TERB1: variants seen among roughly 807,000 people sequenced by gnomAD.
The protein encoded by TERB1 is telomere repeat binding bouquet formation protein 1.
Under a neutral mutation model 92.3 loss-of-function variants are expected in TERB1, and 63 were observed. That is an observed-to-expected ratio of 0.68 (90% CI 0.56 to 0.84). The LOEUF (loss-of-function observed/expected upper bound fraction) is 0.84, where lower values mean the gene tolerates loss of function less well. Ranked by LOEUF, TERB1 falls within the 40% of genes least tolerant of loss-of-function variation. The pLI, the probability that TERB1 is intolerant of heterozygous loss-of-function variation, is 0.00. For missense variants in TERB1, 709 were observed against 843.7 expected, an observed-to-expected ratio of 0.84 and a Z score of 1.98; for synonymous variants, 252 against 283.9, an observed-to-expected ratio of 0.89 and a Z score of 1.13.
chr16:66,758,330 G>A (rs1372958471), intron 18 of TERB1: 1 of 158,532 alleles, frequency 6.3e-6, no homozygotes, highest in Non-Finnish European at 1.4e-5. Context: ...TTTATTAGAA[G>A]GTCTGACCCT....
intron 3 of TERB1, among the ~76,000 whole-genome samples, chr16:66,793,808 C>T (rs1054951384): frequency 2.0e-5 from 3 of 151,832 alleles, no homozygotes; most frequent in Non-Finnish European, 4.4e-5. Flanking sequence ...CCACCACGCC[C>T]GGCCATAGTC....
chr16:66,756,523 T>C (rs370702252), intron 18 of TERB1, among the ~76,000 whole-genome samples: 8 of 152,194 alleles, frequency 5.3e-5, no homozygotes, highest in African/African-American at 1.4e-4. Flanking sequence ...GGTAAAACTA[T>C]CTCAAAGCTT....
Position 66,768,170 on chromosome 16 carries a change from T to C in TERB1, c.1620-2A>G. ...ACTGGGTGTTTAAAAACATGGTCACTAAAAGAAAATAGACACCAGATTACT... is the reference window on the plus strand; with the variant it reads ...ACTGGGTGTTTAAAAACATGGTCACCAAAAGAAAATAGACACCAGATTACT... On this transcript the variant is annotated splice_acceptor_variant, in intron 14 of 18. Coordinates refer to ENST00000433154, the MANE Select transcript of TERB1 (RefSeq NM_001136505.2). LOFTEE classifies it high-confidence loss of function. 1.3e-6 allele frequency: 2 copies of C among 1,542,122 alleles called. No individual in the cohort carries two copies. Among genetic ancestry groups the C allele is most frequent in the Non-Finnish European group, 1.8e-6 (2 of 1,138,520 alleles).
intron 3 of TERB1, among the ~76,000 whole-genome samples, chr16:66,796,557 T>C (rs2018932275): frequency 6.6e-6 from 1 of 152,244 alleles, no homozygotes; most frequent in African/African-American, 2.4e-5. Context: ...TTAAATCAAC[T>C]ATCACATGAT....
In TERB1 at chr16:66,770,139, C is replaced by T. The variant is rs1027368262; in HGVS notation, c.1443G>A (p.Met481Ile). The T allele has an allele frequency of 1.3e-6, 2 of 1,552,180 alleles. No individual in the cohort carries two copies. Among genetic ancestry groups the T allele is most frequent in the African/African-American group, 2.7e-5 (2 of 73,048 alleles). Residue 481 changes from methionine (M) to isoleucine (I), a missense_variant, in exon 14 of 19, where the codon ATG becomes ATA. By Grantham distance (10) the Met-to-Ile change is conservative. Coordinates refer to ENST00000433154, the MANE Select transcript of TERB1 (RefSeq NM_001136505.2). ...QLQSYKSHGV[M>I]SKACTNDDQM... is the part of the protein sequence containing the mutation. Reference sequence around the variant, plus strand: ...GGTCATCATTTGTACATGCTTTAGACATGACTCCATGGGACTTATAACTCT... The same window carrying T: ...GGTCATCATTTGTACATGCTTTAGATATGACTCCATGGGACTTATAACTCT...
At chr16:66,779,065 A>C in intron 9 of TERB1, 50 bp from the exon 10 acceptor site, 1 of 1,328,516 alleles carries the variant, frequency 7.5e-7, no homozygotes, top group Non-Finnish European at 1.0e-6. Context: ...AAGACAGCTG[A>C]ATGGTTTTAT....
rs772294656 is a variant in TERB1 at position 66,788,160 on chromosome 16, T to C, written c.400+9A>G. On this transcript the variant is annotated intron_variant, in intron 6 of 18. Transcript: ENST00000433154. ...GTGTTTTCAAATAGTCATAAGAGAA[T>C]GTACTTACTATTATTTGAAACCAGA... 5 of 1,432,528 alleles carry C rather than the reference T, an allele frequency of 3.5e-6. No individual in the cohort carries two copies. The highest frequency in any genetic ancestry group is 1.5e-5 in the African/African-American group (1 of 67,420). The allele number at this position is 1,432,528 out of a possible 1,614,324, so 88.7% of individuals were successfully genotyped here.
intron 12 of TERB1, among the ~76,000 whole-genome samples, chr16:66,774,217 G>GC (rs1362955795): frequency 1.0e-5 from 1 of 99,110 alleles, no homozygotes; most frequent in Non-Finnish European, 1.9e-5. Context: ...ACAGAGTCTT[G>GC]CTCCGTCGCC....
At chr16:66,771,680 CGG>C (rs1210916808) in intron 13 of TERB1, among the ~76,000 whole-genome samples, 1 of 146,530 alleles carries the variant, frequency 6.8e-6, no homozygotes, top group African/African-American at 2.6e-5. Context: ...CACACACACA[CGG>C]GTACATGTGT....
chr16:66,772,341 G>A (rs2018466610), intron 13 of TERB1, among the ~76,000 whole-genome samples: 1 of 152,102 alleles, frequency 6.6e-6, no homozygotes, highest in Non-Finnish European at 1.5e-5. Flanking sequence ...AATTAGCCGG[G>A]TGTGGTGGCG....
chr16:66,768,707 A>G (rs1276882138), intron 14 of TERB1, among the ~76,000 whole-genome samples: 1 of 152,242 alleles, frequency 6.6e-6, no homozygotes, highest in Admixed American at 6.5e-5. Context: ...CTTTATAGTT[A>G]TAGCTATCTG....
intron 2 of TERB1, among the ~76,000 whole-genome samples, chr16:66,800,481 C>T (rs1389160006): frequency 6.7e-6 from 1 of 150,106 alleles, no homozygotes; most frequent in Non-Finnish European, 1.5e-5. Flanking sequence ...ACCTCCGCCT[C>T]CCGGGTTCAA....
At chr16:66,801,913 C>T (rs1363359277), upstream of TERB1, among the ~76,000 whole-genome samples, 2 of 152,230 alleles carry the variant, frequency 1.3e-5, no homozygotes, top group Non-Finnish European at 2.9e-5. Flanking sequence ...CTCCACCTGG[C>T]ATCTGTGCTG....
At chr16:66,766,628 T>C (rs1174926133) in intron 16 of TERB1, among the ~76,000 whole-genome samples, 2 of 152,230 alleles carry the variant, frequency 1.3e-5, no homozygotes, top group Admixed American at 1.3e-4. Flanking sequence ...CCAGAATGCA[T>C]ACCTAGTAAT....
Position 66,754,946 on chromosome 16 carries a change from C to T in TERB1, c.*30G>A, listed in dbSNP as rs1184228435. 1.3e-6 allele frequency: 2 copies of T among 1,525,358 alleles called. No homozygotes were observed. Among genetic ancestry groups the T allele is most frequent in the East Asian group, 2.5e-5 (1 of 40,716 alleles). 94.5% of individuals were successfully genotyped at this position (1,525,358 alleles called of 1,614,324 possible). Reference sequence around the variant, plus strand: ...TTTCAAGGCACTGTATTTTAAGAATCCAAACTAAAAACTGACAGTCTTCTT... The same window carrying T: ...TTTCAAGGCACTGTATTTTAAGAATTCAAACTAAAAACTGACAGTCTTCTT... On this transcript the variant is annotated 3_prime_UTR_variant, in exon 19 of 19. Transcript: ENST00000433154.
At chr16:66,799,277 G>C (rs1437945870) in intron 2 of TERB1, among the ~76,000 whole-genome samples, 1 of 152,086 alleles carries the variant, frequency 6.6e-6, no homozygotes, top group Non-Finnish European at 1.5e-5. Context: ...GCCCAGGCTG[G>C]AGTGCAGTGG....
At chr16:66,774,903 C>T (rs2018520199) in intron 12 of TERB1, among the ~76,000 whole-genome samples, 2 of 151,718 alleles carry the variant, frequency 1.3e-5, no homozygotes, top group South Asian at 4.2e-4. Context: ...CTCTATGTTG[C>T]CCAGGCTGGT....
upstream of TERB1, chr16:66,801,745 G>C (rs902489686): frequency 1.3e-5 from 2 of 152,250 alleles, no homozygotes; most frequent in African/African-American, 4.8e-5. Flanking sequence ...TTTTTAAAAA[G>C]CTACAATTTG....
chr16:66,781,519 CTTTTT>C (rs34191078), intron 9 of TERB1, among the ~76,000 whole-genome samples: 2 of 121,168 alleles, frequency 1.7e-5, no homozygotes, highest in East Asian at 2.4e-4. Context: ...GGTACAAATT[CTTTTT>C]TTTTTTTTTT....
Sources: gnomAD v4.1 joint callset for allele counts (sites outside exome capture counted in the v4.1 genomes callset) on GRCh38, gnomAD v4.1.1 for gene constraint, MANE v1.5 for transcripts, NCBI Gene and HGNC (gene_info 2026-07-23, HGNC 2026-07-21) for gene names.